PRKCA: variants seen among roughly 807,000 people sequenced by gnomAD.
The protein encoded by PRKCA is protein kinase C alpha type.
A neutral mutation model predicts 87.0 loss-of-function variants in PRKCA; 27 were observed. That is an observed-to-expected ratio of 0.31 (90% CI 0.23 to 0.43). The LOEUF is 0.43. Among genes scored for constraint, PRKCA ranks in the 20% least tolerant of loss-of-function variants. The probability of loss-of-function intolerance (pLI) is 1.00; values close to 1 mark genes in which losing one functional copy is unlikely to be tolerated. For missense variants in PRKCA, 518 were observed against 852.3 expected, an observed-to-expected ratio of 0.61 and a Z score of 4.88; for synonymous variants, 329 against 311.1, an observed-to-expected ratio of 1.06 and a Z score of -0.61.
chr17:66,705,245 C>T (rs747143671), intron 8 of PRKCA, among the ~76,000 whole-genome samples: 46 of 152,158 alleles, frequency 3.0e-4, no homozygotes, highest in Admixed American at 9.8e-4. Context: ...GTCTTAGAAG[C>T]AAAGTCTTAA....
intron 5 of PRKCA, among the ~76,000 whole-genome samples, chr17:66,681,386 A>C (rs1972488046): frequency 1.3e-5 from 2 of 152,132 alleles, no homozygotes; most frequent in Non-Finnish European, 2.9e-5. Flanking sequence ...CTGTAGCCTA[A>C]TGGGGTCTGT....
At chr17:66,448,859 A>G (rs1309207174) in intron 2 of PRKCA, among the ~76,000 whole-genome samples, 9 of 33,562 alleles carry the variant, frequency 2.7e-4, no homozygotes, top group African/African-American at 1.3e-3. Context: ...AGATTCTGGC[A>G]AAAAAAAAAA....
chr17:66,781,805 C>G (rs1310416016), intron 14 of PRKCA, among the ~76,000 whole-genome samples: 1 of 149,554 alleles, frequency 6.7e-6, no homozygotes, highest in Non-Finnish European at 1.5e-5. Context: ...GTACTTAATG[C>G]CACAGTACAG....
chr17:66,531,173 TG>T (rs1967522817), intron 3 of PRKCA, among the ~76,000 whole-genome samples: 1 of 152,196 alleles, frequency 6.6e-6, no homozygotes, highest in Non-Finnish European at 1.5e-5. Flanking sequence ...TTCTATTAAA[TG>T]GGCAGAGGCC....
chr17:66,385,333 A>G (rs1454859551), intron 2 of PRKCA, among the ~76,000 whole-genome samples: 3 of 152,244 alleles, frequency 2.0e-5, no homozygotes, highest in Non-Finnish European at 2.9e-5. Flanking sequence ...ATTCGAAGAC[A>G]GTTTACTTTT....
chr17:66,673,423 T>G (rs1470698985), intron 5 of PRKCA, among the ~76,000 whole-genome samples: 1 of 152,222 alleles, frequency 6.6e-6, no homozygotes, highest in South Asian at 2.1e-4. Context: ...AAATGGTTAA[T>G]GTCCCTCAGT....
intron 8 of PRKCA, among the ~76,000 whole-genome samples, chr17:66,706,281 G>A (rs1973190166): frequency 6.6e-6 from 1 of 152,082 alleles, no homozygotes; most frequent in East Asian, 1.9e-4. Flanking sequence ...ATAGCGAAGG[G>A]ATCAGTGAAC....
At chr17:66,458,593 G>A (rs1459679355) in intron 2 of PRKCA, among the ~76,000 whole-genome samples, 1 of 151,794 alleles carries the variant, frequency 6.6e-6, no homozygotes, top group African/African-American at 2.4e-5. Context: ...CAATCCTCTT[G>A]CTTCAGCCTC....
chr17:66,312,098 C>G (rs1905114202), intron 2 of PRKCA, among the ~76,000 whole-genome samples: 1 of 152,160 alleles, frequency 6.6e-6, no homozygotes. Context: ...TCTTCTGCCT[C>G]AGCCTCCTGA....
At chr17:66,614,134 T>G (rs978388100) in intron 3 of PRKCA, among the ~76,000 whole-genome samples, 1 of 152,084 alleles carries the variant, frequency 6.6e-6, no homozygotes, top group African/African-American at 2.4e-5. Flanking sequence ...AGAGACCCTA[T>G]TTCCAAATAA....
At chr17:66,467,135 G>A (rs1185081134) in intron 2 of PRKCA, among the ~76,000 whole-genome samples, 4 of 152,142 alleles carry the variant, frequency 2.6e-5, no homozygotes. Context: ...GGATGACTGT[G>A]CATGTTGCCT....
chr17:66,490,537 G>A (rs1214576683), intron 2 of PRKCA, among the ~76,000 whole-genome samples: 1 of 151,664 alleles, frequency 6.6e-6, no homozygotes, highest in Non-Finnish European at 1.5e-5. Flanking sequence ...GTAGAGACGG[G>A]GTTTCACCGT....
chr17:66,391,556 G>T (rs1381503512), intron 2 of PRKCA, among the ~76,000 whole-genome samples: 1 of 152,172 alleles, frequency 6.6e-6, no homozygotes, highest in Non-Finnish European at 1.5e-5. Context: ...TATTGGATAA[G>T]AAGTTTCCGT....
chr17:66,509,093 A>G (rs1451581081), intron 3 of PRKCA, among the ~76,000 whole-genome samples: 1 of 151,910 alleles, frequency 6.6e-6, no homozygotes. Flanking sequence ...TGTGTTTCCC[A>G]GTGTTTCATT....
chr17:66,589,180 T>G (rs1969716996), intron 3 of PRKCA, among the ~76,000 whole-genome samples: 1 of 152,062 alleles, frequency 6.6e-6, no homozygotes, highest in Non-Finnish European at 1.5e-5. Flanking sequence ...CATGGGTGAG[T>G]AGCTCCCATC....
chr17:66,722,623 T>C (rs1222655861), intron 8 of PRKCA, among the ~76,000 whole-genome samples: 2 of 152,212 alleles, frequency 1.3e-5, no homozygotes, highest in African/African-American at 4.8e-5. Context: ...CAAGAATGTA[T>C]CTGTGGTATA....
At chr17:66,787,925 C>G (rs1450008088) in intron 15 of PRKCA, among the ~76,000 whole-genome samples, 2 of 152,210 alleles carry the variant, frequency 1.3e-5, no homozygotes, top group Non-Finnish European at 2.9e-5. Context: ...AACACACCAT[C>G]GTTTCCTTAT....
chr17:66,667,911 C>T (rs1195005084), intron 5 of PRKCA, among the ~76,000 whole-genome samples: 1 of 152,138 alleles, frequency 6.6e-6, no homozygotes, highest in East Asian at 1.9e-4. Flanking sequence ...CTCTTATGTC[C>T]CTCTGAAATG....
At chr17:66,307,340 T>C (rs1904873179) in intron 2 of PRKCA, among the ~76,000 whole-genome samples, 1 of 152,188 alleles carries the variant, frequency 6.6e-6, no homozygotes, top group African/African-American at 2.4e-5. Context: ...TGTAGCTCTT[T>C]CTAGTTCTCA....
Sources: gnomAD v4.1 joint callset for allele counts (sites outside exome capture counted in the v4.1 genomes callset) on GRCh38, gnomAD v4.1.1 for gene constraint, MANE v1.5 for transcripts, NCBI Gene and HGNC (gene_info 2026-07-23, HGNC 2026-07-21) for gene names.